The following CPEB4 variants were observed in gnomAD, a reference collection of about 807,000 sequenced individuals.
CPEB4 encodes the protein cytoplasmic polyadenylation element-binding protein 4.
In CPEB4, 12 loss-of-function variants were observed where a neutral mutation model predicts 72.5. The observed-to-expected ratio is 0.17, with a 90% CI of 0.11 to 0.27. CPEB4 has a LOEUF of 0.27. Among genes scored for constraint, CPEB4 ranks in the 10% least tolerant of loss-of-function variants. The pLI, the probability that CPEB4 is intolerant of heterozygous loss-of-function variation, is 1.00. For missense variants in CPEB4, 614 were observed against 908.5 expected, an observed-to-expected ratio of 0.68 and a Z score of 4.17; for synonymous variants, 302 against 326.3, an observed-to-expected ratio of 0.93 and a Z score of 0.80.
intron 2 of CPEB4, chr5:173,910,882 A>AT (rs148708540): frequency 0.011 from 3,191 of 302,778 alleles, 100 homozygotes; most frequent in African/African-American, 0.064. Context: ...CCTTATTATT[A>AT]TTTTTTTTAT....
At position 173,956,188 on chromosome 5, in the gene CPEB4, G is replaced by A; in HGVS notation, c.*51G>A. On this transcript the variant is annotated 3_prime_UTR_variant, in exon 10 of 10. Coordinates refer to ENST00000265085, the MANE Select transcript of CPEB4 (RefSeq NM_030627.4). ...GGCCTCAGAATAAGTGCACTCTTCT[G>A]TTCATTCTGACCCCTTCCTCAACCT... 1 of 1,459,328 alleles carries A rather than the reference G, an allele frequency of 6.9e-7. No individual in the cohort carries two copies. The highest frequency in any genetic ancestry group is 9.6e-7 in the Non-Finnish European group (1 of 1,041,838). The allele number at this position is 1,459,328 out of a possible 1,614,324, so 90.4% of individuals were successfully genotyped here.
intron 2 of CPEB4, among the ~76,000 whole-genome samples, chr5:173,917,388 G>A (rs1344128488): frequency 6.6e-6 from 1 of 152,148 alleles, no homozygotes; most frequent in Non-Finnish European, 1.5e-5. Context: ...GGATTAGATG[G>A]ACATTTTCCT....
At chr5:173,898,837 C>T (rs1055925891) in intron 1 of CPEB4, among the ~76,000 whole-genome samples, 1 of 152,164 alleles carries the variant, frequency 6.6e-6, no homozygotes, top group Admixed American at 6.5e-5. Flanking sequence ...CCACCAGGCC[C>T]ATCTAATTTT....
At chr5:173,927,839 G>A (rs6887200) in intron 2 of CPEB4, among the ~76,000 whole-genome samples, 96,561 of 152,036 alleles carry the variant, frequency 0.64, 31,689 homozygotes, top group Non-Finnish European at 0.72. Flanking sequence ...AAAAGCCTGC[G>A]TGCACATAGA....
In CPEB4 at chr5:173,888,408, G is replaced by A. The variant is rs1755682024; in HGVS notation, c.-1326G>A. ...CGGCTGCGGGACCCGGGCACCGGGA[G>A]GCGGTGGCGGCGGCGGCGGCGGCAG... On this transcript the variant is annotated 5_prime_UTR_variant, in exon 1 of 10. Transcript: ENST00000265085. This position sits in a 1 kb window ranked among gnomAD's most constrained non-coding sequence, Gnocchi z 4.3. 3 of 451,196 alleles carry A rather than the reference G, an allele frequency of 6.6e-6. No individual in the cohort carries two copies. The highest frequency in any genetic ancestry group is 1.1e-5 in the Non-Finnish European group (3 of 261,414). The allele number at this position is 451,196 out of a possible 1,614,324, so 27.9% of individuals were successfully genotyped here.
intron 3 of CPEB4, among the ~76,000 whole-genome samples, chr5:173,941,342 G>A (rs1305949263): frequency 6.6e-6 from 1 of 152,172 alleles, no homozygotes; most frequent in Non-Finnish European, 1.5e-5. Context: ...ACCTATTAAA[G>A]TGAAAGCACA....
Position 173,955,927 on chromosome 5 carries a change from T to C in CPEB4, c.1980T>C (p.Tyr660=), listed in dbSNP as rs148880368. 4.3e-6 allele frequency: 7 copies of C among 1,612,702 alleles called. No homozygotes were observed. The highest frequency in any genetic ancestry group is 5.9e-6 in the Non-Finnish European group (7 of 1,178,986). ...EIDKRVEVKP[Y]VLDDQLCDEC... is the part of the protein sequence containing the mutation. ...GATTGCAGGTGGAAGTTAAGCCATA[T>C]GTCTTGGATGATCAGCTGTGTGATG... The change falls in exon 10 of 10, where the codon TAT becomes TAC. Residue 660 remains tyrosine, a synonymous_variant. Transcript: ENST00000265085. This position sits in a 1 kb window ranked among gnomAD's most constrained non-coding sequence, Gnocchi z 4.7.
In CPEB4 at chr5:173,954,169, GT is replaced by G. The variant is rs369409531; in HGVS notation, c.1962+898del. On this transcript the variant is annotated intron_variant, in intron 9 of 9. Coordinates refer to ENST00000265085, the MANE Select transcript of CPEB4 (RefSeq NM_030627.4). ...TGTGCTAAAATAGATTGATTTTATC[GT>G]GTTGTTCTCAATTCAAGATGTAAAA... 2.2e-4 allele frequency among the ~76,000 whole-genome samples: 33 copies of G among 152,212 alleles called. 1 individual carries two copies. In the East Asian group the frequency reaches 6.2e-3, roughly 28 times the overall value.
chr5:173,889,481 C>T lies in CPEB4; in HGVS notation c.-253C>T. On this transcript the variant is annotated 5_prime_UTR_variant, in exon 1 of 10. Transcript: ENST00000265085. ...ATTTTTACCCTCTTCATTTTTATTCCCTCCTAAAAATAAGCCCAATTGGAT... is the reference window on the plus strand; with the variant it reads ...ATTTTTACCCTCTTCATTTTTATTCTCTCCTAAAAATAAGCCCAATTGGAT... The T allele has an allele frequency of 2.8e-6, 1 of 358,534 alleles. No homozygotes were observed. The highest frequency in any genetic ancestry group is 5.0e-6 in the Non-Finnish European group (1 of 199,984). 22.2% of individuals were successfully genotyped at this position (358,534 alleles called of 1,614,324 possible).
At chr5:173,896,252 G>A (rs868155284) in intron 1 of CPEB4, among the ~76,000 whole-genome samples, 2 of 152,316 alleles carry the variant, frequency 1.3e-5, no homozygotes, top group African/African-American at 2.4e-5. Context: ...AGCCTATAAT[G>A]TGAGCATTTT....
chr5:173,931,158 A>G (rs1005550921), intron 2 of CPEB4, among the ~76,000 whole-genome samples: 1 of 152,108 alleles, frequency 6.6e-6, no homozygotes, highest in Non-Finnish European at 1.5e-5. Flanking sequence ...GCAGCATTTT[A>G]AAACATTGAA....
chr5:173,898,642 T>A (rs1756111849), intron 1 of CPEB4, among the ~76,000 whole-genome samples: 1 of 152,246 alleles, frequency 6.6e-6, no homozygotes, highest in South Asian at 2.1e-4. Flanking sequence ...TCTTAAAATC[T>A]GAAAACCCGT....
Position 173,892,878 on chromosome 5 carries a change from G to A in CPEB4, c.1125+2020G>A, listed in dbSNP as rs575281679. On this transcript the variant is annotated intron_variant, in intron 1 of 9. Transcript: ENST00000265085. ...TTGTTAGAAACTAACTCTTCCCTTA[G>A]AACTGCTGTCTTTTATATTGATTAT... Among the ~76,000 whole-genome samples the A allele has an allele frequency of 7.2e-5, 11 of 152,228 alleles. No homozygotes were observed. In the South Asian group the frequency reaches 2.3e-3, roughly 32 times the overall value.
intron 8 of CPEB4, 100 bp downstream of exon 8, chr5:173,952,038 G>C: frequency 1.3e-6 from 1 of 773,074 alleles, no homozygotes; most frequent in South Asian, 1.6e-5. Flanking sequence ...ATATCCAAGA[G>C]TGAGAGTTCT....
rs902847910 is a variant in CPEB4 at position 173,889,427 on chromosome 5, A to G, written c.-307A>G. ...ATGTACATTTTCCTTTGGAAAAAGA[A>G]AGCGCCTATTTTACTAACCAAAGAC... On this transcript the variant is annotated 5_prime_UTR_variant, in exon 1 of 10. Transcript: ENST00000265085. 1 of 235,540 alleles carries G rather than the reference A, an allele frequency of 4.2e-6. No individual in the cohort carries two copies. Among genetic ancestry groups the G allele is most frequent in the African/African-American group, 2.3e-5 (1 of 44,026 alleles). The allele number at this position is 235,540 out of a possible 1,614,324, so 14.6% of individuals were successfully genotyped here.
intron 1 of CPEB4, among the ~76,000 whole-genome samples, chr5:173,892,869 C>G (rs1454998490): frequency 6.6e-6 from 1 of 152,104 alleles, no homozygotes; most frequent in Admixed American, 6.5e-5. Flanking sequence ...GAAACTAACT[C>G]TTCCCTTAGA....
chr5:173,918,657 T>TTA, intron 2 of CPEB4, among the ~76,000 whole-genome samples: 2 of 152,212 alleles, frequency 1.3e-5, no homozygotes, highest in African/African-American at 4.8e-5. Context: ...GGCCAGATCC[T>TTA]CATCTGCCCC....
In CPEB4 at chr5:173,890,557, C is replaced by T; in HGVS notation, c.824C>T (p.Ala275Val). 1.2e-6 allele frequency: 2 copies of T among 1,614,074 alleles called. No homozygotes were observed. Among genetic ancestry groups the T allele is most frequent in the Non-Finnish European group, 1.7e-6 (2 of 1,180,024 alleles). ...GCTTTTAACCAGCTGCCTCATTTGG[C>T]GAATAATCTTAACAAACCCCCCTCT... ...NAAFNQLPHL[A>V]NNLNKPPSPW... Residue 275 changes from alanine (A) to valine (V), a missense_variant, in exon 1 of 10, where the codon GCG (alanine) becomes GTG (valine). This residue lies in a region of CPEB4 where 458 missense variants were observed against 548.6 expected (regional missense o/e 0.83). Transcript: ENST00000265085.
intron 2 of CPEB4, among the ~76,000 whole-genome samples, chr5:173,916,416 A>T (rs904324035): frequency 7.2e-5 from 11 of 152,156 alleles, no homozygotes; most frequent in African/African-American, 2.4e-4. Flanking sequence ...ACATATCCCC[A>T]TGGTGCCCAG....
Sources: allele counts gnomAD v4.1 joint callset (sites outside exome capture counted in the v4.1 genomes callset), GRCh38; gene constraint gnomAD v4.1.1; regional missense constraint gnomAD v4.1.1; non-coding constraint Gnocchi (gnomAD v3.1); transcripts MANE v1.5; gene names NCBI Gene and HGNC (gene_info 2026-07-23, HGNC 2026-07-21).